MEGF10: variants seen among roughly 807,000 people sequenced by gnomAD.
The protein encoded by MEGF10 is multiple EGF like domains 10.
Under a neutral mutation model 147.5 loss-of-function variants are expected in MEGF10, and 86 were observed. The observed-to-expected ratio is 0.58, with a 90% CI of 0.49 to 0.70. The LOEUF (loss-of-function observed/expected upper bound fraction) is 0.70, where lower values mean the gene tolerates loss of function less well. MEGF10 is among the 30% of genes least tolerant of loss of function. The probability of loss-of-function intolerance (pLI) is 0.00; values close to 1 mark genes in which losing one functional copy is unlikely to be tolerated. For missense variants in MEGF10, 1,329 were observed against 1,487.3 expected (o/e 0.89, Z 1.75); for synonymous variants, 478 against 525.5 (o/e 0.91, Z 1.24).
Position 127,309,994 on chromosome 5 carries a change from T to C in MEGF10, c.-19+18938T>C, listed in dbSNP as rs2910218. Among the ~76,000 whole-genome samples the C allele has an allele frequency of 6.9e-3, 391 of 56,762 alleles. 6 individuals are homozygous for C. Among genetic ancestry groups the C allele is most frequent in the African/African-American group, 0.012 (176 of 14,492 alleles). The allele number at this position is 56,762 out of a possible 152,430, so 37.2% of individuals were successfully genotyped here. On this transcript the variant is annotated intron_variant, in intron 1 of 24. Transcript: ENST00000503335. The stretch of plus-strand genomic sequence containing the variant: ...CTTTCTTTCTTTCTTTCTTTCTTTC[T>C]TTCCTTCCTTCCTTCCTTTCTTTTT...
At chr5:127,229,647 G>C in the MEGF10 span, 1 of 152,478 alleles carries the variant, frequency 6.6e-6, no homozygotes. Context: ...CCAGGAAGCA[G>C]GAAACCCGGG....
chr5:127,407,285 A>G (rs1294864906), intron 8 of MEGF10, among the ~76,000 whole-genome samples: 1 of 152,216 alleles, frequency 6.6e-6, no homozygotes, highest in Non-Finnish European at 1.5e-5. Context: ...ACACTAAATC[A>G]TGGTTTGGCC....
At chr5:127,450,517 C>G (rs903235143) in intron 22 of MEGF10, among the ~76,000 whole-genome samples, 4 of 152,166 alleles carry the variant, frequency 2.6e-5, no homozygotes, top group African/African-American at 9.7e-5. Context: ...GATGTAGTAA[C>G]TTACAGGTGT....
chr5:127,457,315 A>C lies in MEGF10; in HGVS notation c.3420A>C (p.Glu1140Asp). The change falls in exon 25 of 25, where the codon GAA becomes GAC. Residue 1140 changes from glutamate (E) to aspartate (D), a missense_variant. By Grantham distance (45) the Glu-to-Asp change is conservative (BLOSUM62 2). Around this residue, in one of 3 missense-constraint regions of MEGF10, gnomAD observed 343 missense variants for 377.9 expected, o/e 0.91. Coordinates refer to ENST00000503335, the MANE Select transcript of MEGF10 (RefSeq NM_001256545.2). ...GCAGCAACAGCAGCAGCAGCAGTGA[A>C]TGACACCAAAGGACCGCTTGGTAGC... is the stretch of plus-strand genomic sequence containing the variant. ...GSSSNSSSSSE is the reference protein window; with the variant it reads ...GSSSNSSSSSD 1 of 1,612,934 alleles carries C rather than the reference A, an allele frequency of 6.2e-7. No homozygotes were observed. Among genetic ancestry groups the C allele is most frequent in the South Asian group, 1.1e-5 (1 of 90,942 alleles).
chr5:127,377,984 A>G (rs975329859), intron 5 of MEGF10, among the ~76,000 whole-genome samples: 1 of 152,222 alleles, frequency 6.6e-6, no homozygotes, highest in Non-Finnish European at 1.5e-5. Context: ...TCCCAAAGGT[A>G]GTTTCACTGA....
intron 4 of MEGF10, among the ~76,000 whole-genome samples, chr5:127,347,422 TA>T (rs1415550991): frequency 6.6e-6 from 1 of 152,084 alleles, no homozygotes; most frequent in African/African-American, 2.4e-5. Context: ...AATAAATATT[TA>T]TGTATTCGAG....
chr5:127,302,213 C>G lies in MEGF10; in HGVS notation c.-19+11157C>G, dbSNP rs371208057. On this transcript the variant is annotated intron_variant, in intron 1 of 24. Transcript: ENST00000503335. ...CCAAAACTATTATTTTTGGTGGAAA[C>G]AACCCAAATGTCTATCAACTGATAA... Among the ~76,000 whole-genome samples the G allele has an allele frequency of 3.9e-5, 6 of 152,114 alleles. No homozygotes were observed. In the East Asian group the frequency reaches 1.2e-3, roughly 29 times the overall value.
At chr5:127,260,191 A>AAATG in the MEGF10 span, among the ~76,000 whole-genome samples, 1 of 151,534 alleles carries the variant, frequency 6.6e-6, no homozygotes, top group Admixed American at 6.6e-5. Flanking sequence ...ATAAATAAAT[A>AAATG]AATGTAAAAA....
chr5:127,389,033 T>C (rs1763546295), intron 5 of MEGF10, among the ~76,000 whole-genome samples: 1 of 152,212 alleles, frequency 6.6e-6, no homozygotes, highest in South Asian at 2.1e-4. Context: ...GGTGGAATAT[T>C]ATACTTAACC....
chr5:127,376,740 C>A (rs1763044915), intron 5 of MEGF10, among the ~76,000 whole-genome samples: 1 of 152,128 alleles, frequency 6.6e-6, no homozygotes, highest in Admixed American at 6.5e-5. Context: ...CTCTTAATGG[C>A]CATAACATAC....
At chr5:127,260,817 A>G in the MEGF10 span, among the ~76,000 whole-genome samples, 1 of 152,198 alleles carries the variant, frequency 6.6e-6, no homozygotes, top group Non-Finnish European at 1.5e-5. Context: ...AGGAAGGGAG[A>G]AAATATGATG....
chr5:127,285,043 A>G, the MEGF10 span, among the ~76,000 whole-genome samples: 4 of 152,228 alleles, frequency 2.6e-5, no homozygotes, highest in African/African-American at 7.2e-5. Context: ...AGCAGACTGG[A>G]TGTAATAATA....
intron 5 of MEGF10, among the ~76,000 whole-genome samples, chr5:127,372,188 T>C (rs1450458736): frequency 6.6e-6 from 1 of 152,236 alleles, no homozygotes; most frequent in Non-Finnish European, 1.5e-5. Flanking sequence ...ATCAATTTGA[T>C]GGTGGACATT....
chr5:127,436,570 A>G (rs970115183), intron 16 of MEGF10, among the ~76,000 whole-genome samples: 1 of 152,332 alleles, frequency 6.6e-6, no homozygotes, highest in African/African-American at 2.4e-5. Flanking sequence ...GGAAGAGTAA[A>G]AGGTCCAATA....
chr5:127,362,523 C>G (rs1054275159), intron 4 of MEGF10, among the ~76,000 whole-genome samples: 2 of 151,828 alleles, frequency 1.3e-5, no homozygotes, highest in African/African-American at 4.8e-5. Flanking sequence ...GCCACCACGC[C>G]CGGCTAATTT....
At chr5:127,330,837 A>ATTCAGT (rs551009886) in intron 1 of MEGF10, among the ~76,000 whole-genome samples, 382 of 152,270 alleles carry the variant, frequency 2.5e-3, no homozygotes, top group African/African-American at 8.8e-3. Context: ...TGAATCTCAG[A>ATTCAGT]TTGAGCCTGA....
intron 1 of MEGF10, among the ~76,000 whole-genome samples, chr5:127,329,071 G>A (rs548055160): frequency 1.1e-4 from 16 of 152,164 alleles, no homozygotes; most frequent in African/African-American, 3.4e-4. Context: ...AATCGGTCAG[G>A]AAATGTTATC....
intron 19 of MEGF10, chr5:127,444,290 A>C (rs555793284): frequency 1.3e-5 from 2 of 152,206 alleles, no homozygotes. Flanking sequence ...TACAACATTT[A>C]ATTTCTTTGG....
At chr5:127,331,976 G>T (rs1023854479) in intron 2 of MEGF10, among the ~76,000 whole-genome samples, 1 of 152,016 alleles carries the variant, frequency 6.6e-6, no homozygotes, top group Non-Finnish European at 1.5e-5. Context: ...GATCTTGGAA[G>T]GGGAGTCAGT....
Sources: allele counts gnomAD v4.1 joint callset (sites outside exome capture counted in the v4.1 genomes callset), GRCh38; gene constraint gnomAD v4.1.1; regional missense constraint gnomAD v4.1.1; transcripts MANE v1.5; gene names NCBI Gene and HGNC (gene_info 2026-07-23, HGNC 2026-07-21).